AP3S1: variants seen among roughly 807,000 people sequenced by gnomAD.
AP3S1 encodes the protein adaptor related protein complex 3 subunit sigma 1.
In AP3S1, 12 loss-of-function variants were observed where a neutral mutation model predicts 21.3. That is an observed-to-expected ratio of 0.56 (90% CI 0.36 to 0.91). AP3S1 has a LOEUF of 0.91. Among genes scored for constraint, AP3S1 ranks in the 40% least tolerant of loss-of-function variants. AP3S1 has a pLI of 0.01. For missense variants in AP3S1, 116 were observed against 225.0 expected (o/e 0.52, Z 3.10); for synonymous variants, 48 against 78.4 (o/e 0.61, Z 2.05).
chr5:115,851,718 C>A (rs1412471689), intron 1 of AP3S1, among the ~76,000 whole-genome samples: 1 of 151,938 alleles, frequency 6.6e-6, no homozygotes, highest in Non-Finnish European at 1.5e-5. Context: ...AGATATCAGT[C>A]TCCTGTTGTA....
Position 115,895,114 on chromosome 5 carries a change from T to C in AP3S1, c.301T>C (p.Phe101Leu), listed in dbSNP as rs1187080279. 1.2e-6 allele frequency: 2 copies of C among 1,606,664 alleles called. No homozygotes were observed. The highest frequency in any genetic ancestry group is 1.7e-6 in the Non-Finnish European group (2 of 1,176,468). Residue 101 changes from phenylalanine (F) to leucine (L), a missense_variant, in exon 4 of 6, where the codon TTT becomes CTT. Transcript: ENST00000316788. Reference sequence around the variant, plus strand: ...ATTTGTGGAAACATTAGACAAATGTTTTGAAAATGTCTGTGAGCTGGATTT... The same window carrying C: ...ATTTGTGGAAACATTAGACAAATGTCTTGAAAATGTCTGTGAGCTGGATTT... ...QVFVETLDKCFENVCELDLIF... is the reference protein window; with the variant it reads ...QVFVETLDKCLENVCELDLIF...
chr5:115,872,439 C>T (rs1748349975), intron 3 of AP3S1, among the ~76,000 whole-genome samples: 1 of 152,122 alleles, frequency 6.6e-6, no homozygotes, highest in Non-Finnish European at 1.5e-5. Flanking sequence ...ACAAGGTAAT[C>T]ATGGCACATA....
At chr5:115,857,308 C>T (rs929598157) in intron 1 of AP3S1, among the ~76,000 whole-genome samples, 1 of 152,160 alleles carries the variant, frequency 6.6e-6, no homozygotes, top group African/African-American at 2.4e-5. Flanking sequence ...AGATATCATT[C>T]TACAAGTATG....
chr5:115,912,852 AC>A (rs1752210380), intron 5 of AP3S1, among the ~76,000 whole-genome samples: 2 of 152,104 alleles, frequency 1.3e-5, no homozygotes, highest in South Asian at 4.1e-4. Flanking sequence ...AATTTAAAAA[AC>A]TAATTTTATT....
At chr5:115,879,992 G>T (rs558531994) in intron 3 of AP3S1, among the ~76,000 whole-genome samples, 10 of 152,168 alleles carry the variant, frequency 6.6e-5, no homozygotes, top group African/African-American at 2.4e-4. Flanking sequence ...GTTTATTTGC[G>T]TAGAGTTGTT....
At chr5:115,909,149 T>C (rs1751899847) in intron 5 of AP3S1, among the ~76,000 whole-genome samples, 1 of 152,112 alleles carries the variant, frequency 6.6e-6, no homozygotes, top group Non-Finnish European at 1.5e-5. Flanking sequence ...ATGAAATAAA[T>C]AACAAGATTA....
chr5:115,842,340 G>A, intron 1 of AP3S1: 3 of 514,372 alleles, frequency 5.8e-6, no homozygotes, highest in South Asian at 3.1e-5. Context: ...CCGCCCGTCG[G>A]TGGGCTGCAT....
intron 1 of AP3S1, among the ~76,000 whole-genome samples, chr5:115,855,717 T>C (rs1762757303): frequency 6.6e-6 from 1 of 152,242 alleles, no homozygotes; most frequent in Non-Finnish European, 1.5e-5. Context: ...AATAATGATA[T>C]CTATATTTTA....
chr5:115,913,445 T>C lies in AP3S1; in HGVS notation c.537T>C (p.Ile179=). The C allele has an allele frequency of 6.2e-7, 1 of 1,613,968 alleles. No individual in the cohort carries two copies. ...NLPEIPRNIN[I]GDISIKVPNL... ...CTGAGATCCCAAGAAATATTAACAT[T>C]GGTGACATCAGTATAAAAGTGCCAA... is the stretch of plus-strand genomic sequence containing the variant. The change falls in exon 6 of 6, where the codon ATT becomes ATC. Residue 179 remains isoleucine (I), a synonymous_variant. Coordinates refer to ENST00000316788, the MANE Select transcript of AP3S1 (RefSeq NM_001284.4).
At chr5:115,864,668 A>G (rs955743046) in intron 1 of AP3S1, among the ~76,000 whole-genome samples, 1 of 152,228 alleles carries the variant, frequency 6.6e-6, no homozygotes, top group Non-Finnish European at 1.5e-5. Flanking sequence ...GACACAACCA[A>G]TCAAAGAAAT....
intron 3 of AP3S1, among the ~76,000 whole-genome samples, chr5:115,877,444 A>G (rs1395932174): frequency 6.6e-6 from 1 of 152,146 alleles, no homozygotes; most frequent in Non-Finnish European, 1.5e-5. Flanking sequence ...GAATGAGAAC[A>G]TGCAGTGTTT....
chr5:115,906,186 T>G (rs2112582098), intron 5 of AP3S1, among the ~76,000 whole-genome samples: 1 of 152,238 alleles, frequency 6.6e-6, no homozygotes, highest in Non-Finnish European at 1.5e-5. Flanking sequence ...AAAGACTTGT[T>G]TAAAATCGAG....
intron 1 of AP3S1, among the ~76,000 whole-genome samples, chr5:115,864,064 G>A (rs1159466869): frequency 6.6e-6 from 1 of 152,208 alleles, no homozygotes; most frequent in Non-Finnish European, 1.5e-5. Flanking sequence ...CAAGCACCAG[G>A]ATTTAAAGTT....
intron 1 of AP3S1, among the ~76,000 whole-genome samples, chr5:115,846,686 A>C (rs991234420): frequency 6.6e-6 from 1 of 151,770 alleles, no homozygotes; most frequent in African/African-American, 2.4e-5. Flanking sequence ...TTTAGTGACT[A>C]TTAAGACGTT....
chr5:115,859,045 A>G (rs901952968), intron 1 of AP3S1, among the ~76,000 whole-genome samples: 1 of 152,088 alleles, frequency 6.6e-6, no homozygotes, highest in African/African-American at 2.4e-5. Flanking sequence ...TGCTGCACCT[A>G]TATTAGAGTT....
At chr5:115,873,724 A>T (rs1170465922) in intron 3 of AP3S1, among the ~76,000 whole-genome samples, 3 of 152,106 alleles carry the variant, frequency 2.0e-5, no homozygotes, top group African/African-American at 7.2e-5. Context: ...TTCAGAGAGA[A>T]CTGATTTTCT....
chr5:115,881,963 C>T (rs374701315), intron 3 of AP3S1, among the ~76,000 whole-genome samples: 7 of 151,618 alleles, frequency 4.6e-5, no homozygotes, highest in South Asian at 2.1e-4. Context: ...CTTCAATCTC[C>T]GATATCCTTT....
rs558127816 is a variant in AP3S1, at chr5:115,843,435, C to T, written c.69+1329C>T. ...TAGCTATAAAGAATATTTTCTGCTA[C>T]TCGTGTGTGGTTTTAATTTAGTATA... On this transcript the variant is annotated intron_variant, in intron 1 of 5. Coordinates refer to ENST00000316788, the MANE Select transcript of AP3S1 (RefSeq NM_001284.4). Among the ~76,000 whole-genome samples the T allele has an allele frequency of 3.9e-5, 6 of 152,246 alleles. No individual in the cohort carries two copies. In the South Asian group the frequency reaches 1.2e-3, roughly 32 times the overall value.
chr5:115,886,161 A>T (rs1749761295), intron 3 of AP3S1, among the ~76,000 whole-genome samples: 1 of 152,200 alleles, frequency 6.6e-6, no homozygotes, highest in African/African-American at 2.4e-5. Flanking sequence ...TAGTTGCCTT[A>T]TGGGATTACT....
Sources: gnomAD v4.1 joint callset for allele counts (sites outside exome capture counted in the v4.1 genomes callset) on GRCh38, gnomAD v4.1.1 for gene constraint, MANE v1.5 for transcripts, NCBI Gene and HGNC (gene_info 2026-07-23, HGNC 2026-07-21) for gene names.